ATP8A2: variants seen among roughly 807,000 people sequenced by gnomAD.
ATP8A2 encodes the protein phospholipid-transporting ATPase IB.
Under a neutral mutation model 165.6 loss-of-function variants are expected in ATP8A2, and 100 were observed. The ratio of observed to expected loss-of-function variants is 0.60; its 90% CI spans 0.51 to 0.71. The LOEUF is 0.71. ATP8A2 is among the 30% of genes least tolerant of loss of function. ATP8A2 has a pLI of 0.00. For missense variants in ATP8A2, 1,227 were observed against 1,479.5 expected, an observed-to-expected ratio of 0.83 and a Z score of 2.80; for synonymous variants, 543 against 548.8, an observed-to-expected ratio of 0.99 and a Z score of 0.15.
At chr13:25,611,755 A>G (rs188805881) in intron 24 of ATP8A2, among the ~76,000 whole-genome samples, 268 of 152,210 alleles carry the variant, frequency 1.8e-3, no homozygotes, top group Non-Finnish European at 3.1e-3. Context: ...CTGTGAATAT[A>G]TCTGGTCCTG....
At chr13:25,502,436 G>A (rs1460565816) in intron 2 of ATP8A2, among the ~76,000 whole-genome samples, 1 of 152,220 alleles carries the variant, frequency 6.6e-6, no homozygotes, top group Non-Finnish European at 1.5e-5. Context: ...GTGGGCGTGT[G>A]TTCGTTTTTC....
intron 24 of ATP8A2, among the ~76,000 whole-genome samples, chr13:25,631,363 A>T (rs955645427): frequency 6.6e-6 from 1 of 152,138 alleles, no homozygotes; most frequent in Non-Finnish European, 1.5e-5. Flanking sequence ...ACCATATTGG[A>T]TGGTGTAGAT....
intron 25 of ATP8A2, among the ~76,000 whole-genome samples, chr13:25,720,364 G>A (rs1386648786): frequency 2.0e-5 from 3 of 151,652 alleles, no homozygotes; most frequent in Non-Finnish European, 2.9e-5. Flanking sequence ...GGGTTTCACC[G>A]TGTTCACCAG....
chr13:25,526,012 C>G (rs185406133), intron 2 of ATP8A2, among the ~76,000 whole-genome samples: 40 of 151,886 alleles, frequency 2.6e-4, no homozygotes, highest in Non-Finnish European at 4.0e-4. Context: ...TTTTTCTTCT[C>G]TGTGTATTTT....
chr13:25,472,699 C>G (rs2035880733), intron 2 of ATP8A2, among the ~76,000 whole-genome samples: 1 of 151,912 alleles, frequency 6.6e-6, no homozygotes, highest in Admixed American at 6.6e-5. Context: ...GTTCCTTTGC[C>G]CCTAAATTGA....
Position 25,877,428 on chromosome 13 carries a change from G to A in ATP8A2, c.3183+15020G>A, listed in dbSNP as rs145169251. ...TCATGGAACATCTGACTCATAAAGCGATGTTTGAAGCTGTATTTTTTGTGA... is the reference window on the plus strand; with the variant it reads ...TCATGGAACATCTGACTCATAAAGCAATGTTTGAAGCTGTATTTTTTGTGA... On this transcript the variant is annotated intron_variant, in intron 33 of 36. Coordinates refer to ENST00000381655, the MANE Select transcript of ATP8A2 (RefSeq NM_016529.6). Among the ~76,000 whole-genome samples the A allele has an allele frequency of 2.7e-3, 405 of 152,258 alleles. 2 individuals are homozygous for A. The highest frequency in any genetic ancestry group is 7.5e-3 in the African/African-American group (312 of 41,554).
intron 2 of ATP8A2, among the ~76,000 whole-genome samples, chr13:25,490,141 G>GCCCCACGCTGGTCTC (rs2036478173): frequency 1.3e-5 from 2 of 152,194 alleles, no homozygotes; most frequent in African/African-American, 4.8e-5. Context: ...CACACATGTT[G>GCCCCACGCTGGTCTC]AATGATCCAT....
At chr13:25,978,781 A>T (rs982325887) in intron 35 of ATP8A2, among the ~76,000 whole-genome samples, 1 of 152,174 alleles carries the variant, frequency 6.6e-6, no homozygotes, top group African/African-American at 2.4e-5. Context: ...TCTACTAAAA[A>T]TACAAAAAAT....
intron 33 of ATP8A2, among the ~76,000 whole-genome samples, chr13:25,880,094 C>T (rs185796070): frequency 4.4e-4 from 67 of 152,242 alleles, no homozygotes; most frequent in Non-Finnish European, 8.4e-4. Flanking sequence ...AGTGGCCTGT[C>T]CATGGGGTAC....
intron 23 of ATP8A2, among the ~76,000 whole-genome samples, chr13:25,584,717 T>TCCC: frequency 6.6e-6 from 1 of 152,230 alleles, no homozygotes; most frequent in African/African-American, 2.4e-5. Context: ...TTAGAGGGAT[T>TCCC]CACATAGCTT....
intron 33 of ATP8A2, among the ~76,000 whole-genome samples, chr13:25,905,761 T>C: frequency 7.0e-6 from 1 of 143,326 alleles, no homozygotes; most frequent in Non-Finnish European, 1.6e-5. Flanking sequence ...AGGGCGTTGG[T>C]TCCTGTGATT....
intron 35 of ATP8A2, among the ~76,000 whole-genome samples, chr13:25,995,049 A>G (rs1260418476): frequency 6.6e-6 from 1 of 151,934 alleles, no homozygotes; most frequent in Non-Finnish European, 1.5e-5. Context: ...AATTGTGTGA[A>G]TTTTGGTAGT....
At chr13:25,400,458 A>T (rs2033601923) in intron 1 of ATP8A2, among the ~76,000 whole-genome samples, 1 of 152,202 alleles carries the variant, frequency 6.6e-6, no homozygotes, top group African/African-American at 2.4e-5. Flanking sequence ...GTGATGATCA[A>T]GTCAGGGCAT....
intron 1 of ATP8A2, among the ~76,000 whole-genome samples, chr13:25,384,543 G>A (rs2032971105): frequency 6.6e-6 from 1 of 152,082 alleles, no homozygotes; most frequent in South Asian, 2.1e-4. Flanking sequence ...CTTTGTCTTC[G>A]TGTTTGGTAA....
At chr13:25,699,860 G>T (rs746108182) in intron 25 of ATP8A2, among the ~76,000 whole-genome samples, 1 of 151,662 alleles carries the variant, frequency 6.6e-6, no homozygotes, top group Non-Finnish European at 1.5e-5. Context: ...TTTTCAGTTG[G>T]CAGTGGTGGG....
At chr13:25,799,809 T>C (rs973786652) in intron 27 of ATP8A2, among the ~76,000 whole-genome samples, 1 of 152,202 alleles carries the variant, frequency 6.6e-6, no homozygotes, top group African/African-American at 2.4e-5. Context: ...GGGGATGTGA[T>C]TGAGCAAAAA....
At chr13:25,826,738 T>C (rs780991671) in intron 27 of ATP8A2, among the ~76,000 whole-genome samples, 34 of 152,356 alleles carry the variant, frequency 2.2e-4, no homozygotes, top group Non-Finnish European at 3.8e-4. Context: ...AATCAGACTC[T>C]CATATCTCAT....
chr13:25,531,181 A>G (rs943448033), intron 4 of ATP8A2, among the ~76,000 whole-genome samples: 10 of 144,556 alleles, frequency 6.9e-5, no homozygotes, highest in African/African-American at 2.3e-4. Flanking sequence ...TATGATATAT[A>G]TATGTTATAT....
chr13:25,660,570 C>T (rs2042027752), intron 24 of ATP8A2, among the ~76,000 whole-genome samples: 1 of 152,014 alleles, frequency 6.6e-6, no homozygotes. Flanking sequence ...ATTTAAATCC[C>T]ACACTGTAAA....
Sources: gnomAD v4.1 joint callset for allele counts (sites outside exome capture counted in the v4.1 genomes callset) on GRCh38, gnomAD v4.1.1 for gene constraint, MANE v1.5 for transcripts, NCBI Gene and HGNC (gene_info 2026-07-23, HGNC 2026-07-21) for gene names.